The following CDH2 variants were observed in gnomAD, a reference collection of about 807,000 sequenced individuals.
CDH2 encodes the protein cadherin-2.
A neutral mutation model predicts 92.0 loss-of-function variants in CDH2; 17 were observed. The ratio of observed to expected loss-of-function variants is 0.18; its 90% CI spans 0.13 to 0.28. The LOEUF is 0.28. CDH2 is among the 10% of genes least tolerant of loss of function. The pLI, the probability that CDH2 is intolerant of heterozygous loss-of-function variation, is 1.00. For synonymous variants in CDH2, 419 were observed against 415.9 expected (o/e 1.01, Z -0.09); for missense variants, 862 against 1,133.1 (o/e 0.76, Z 3.44).
intron 15 of CDH2, 66 bp downstream of exon 15, chr18:27,963,291 C>T: frequency 6.8e-7 from 1 of 1,465,324 alleles, no homozygotes; most frequent in Non-Finnish European, 9.5e-7. Context: ...AATTTGTGGC[C>T]TACAGAGATC....
chr18:28,086,935 A>C (rs1049437961), intron 2 of CDH2, among the ~76,000 whole-genome samples: 1 of 152,148 alleles, frequency 6.6e-6, no homozygotes, highest in African/African-American at 2.4e-5. Context: ...TTATAACACA[A>C]TGCTCTCATT....
At position 27,951,959 on chromosome 18, in the gene CDH2, A is replaced by T. The variant is rs1909476666; in HGVS notation, c.*194T>A. 1 of 589,466 alleles carries T rather than the reference A, an allele frequency of 1.7e-6. No homozygotes were observed. Among genetic ancestry groups the T allele is most frequent in the African/African-American group, 1.9e-5 (1 of 53,674 alleles). 36.5% of individuals were successfully genotyped at this position (589,466 alleles called of 1,614,324 possible). A position where few individuals can be genotyped will look rare whatever the true frequency, so the allele number is the denominator to read the frequency against. The stretch of plus-strand genomic sequence containing the variant: ...GTACTGTAAAATTCAAGTGTAACTG[A>T]GCTCAGTGTTTTTCCAAACAGTATG... On this transcript the variant is annotated 3_prime_UTR_variant, in exon 16 of 16. Coordinates refer to ENST00000269141, the MANE Select transcript of CDH2 (RefSeq NM_001792.5).
intron 2 of CDH2, among the ~76,000 whole-genome samples, chr18:28,118,142 T>C (rs1367817097): frequency 6.6e-6 from 1 of 151,910 alleles, no homozygotes; most frequent in Non-Finnish European, 1.5e-5. Flanking sequence ...GTTCTATCCA[T>C]ACAATAAAAC....
intron 2 of CDH2, among the ~76,000 whole-genome samples, chr18:28,103,899 A>G (rs1270322168): frequency 2.0e-5 from 3 of 152,110 alleles, no homozygotes; most frequent in Non-Finnish European, 2.9e-5. Context: ...AAAAAAAATC[A>G]CCAGAAATTT....
At chr18:28,072,630 G>A (rs17494325) in intron 2 of CDH2, among the ~76,000 whole-genome samples, 195 of 152,266 alleles carry the variant, frequency 1.3e-3, no homozygotes, top group African/African-American at 4.5e-3. Context: ...CCAAATAATA[G>A]AGACTAAAAA....
intron 14 of CDH2, among the ~76,000 whole-genome samples, chr18:27,972,541 C>T (rs1027171502): frequency 6.6e-6 from 1 of 152,164 alleles, no homozygotes; most frequent in Non-Finnish European, 1.5e-5. Context: ...CAGTGCCTGA[C>T]ACAGAACAAA....
intron 2 of CDH2, among the ~76,000 whole-genome samples, chr18:28,021,225 T>C (rs2144057397): frequency 6.6e-6 from 1 of 152,116 alleles, no homozygotes; most frequent in South Asian, 2.1e-4. Context: ...CAGACACATA[T>C]AAACAGTTAA....
At chr18:27,985,995 C>G (rs372013544) in intron 11 of CDH2, among the ~76,000 whole-genome samples, 3 of 152,100 alleles carry the variant, frequency 2.0e-5, no homozygotes, top group Non-Finnish European at 2.9e-5. Context: ...AGCAAGGTGA[C>G]GAAGAATGCC....
At chr18:27,990,450 T>C in intron 9 of CDH2, 100 bp from the exon 10 acceptor site, 4 of 1,089,508 alleles carry the variant, frequency 3.7e-6, no homozygotes, top group Non-Finnish European at 3.9e-6. Context: ...AATTAATTTC[T>C]TCATTCACTA....
chr18:28,110,327 A>C (rs1379998600), intron 2 of CDH2, among the ~76,000 whole-genome samples: 1 of 152,212 alleles, frequency 6.6e-6, no homozygotes, highest in African/African-American at 2.4e-5. Context: ...TTTCTTGAGA[A>C]TGAACCTGAG....
At chr18:28,068,329 A>G (rs2144161230) in intron 2 of CDH2, among the ~76,000 whole-genome samples, 1 of 152,344 alleles carries the variant, frequency 6.6e-6, no homozygotes, top group African/African-American at 2.4e-5. Context: ...TAGCATGAAC[A>G]ATGGCTATCT....
intron 5 of CDH2, among the ~76,000 whole-genome samples, chr18:28,007,959 C>A (rs186086146): frequency 7.4e-4 from 113 of 152,240 alleles, no homozygotes; most frequent in African/African-American, 2.6e-3. Context: ...GTCTGGAACT[C>A]CTGACCTCAA....
rs1042454279 is a variant in CDH2 at position 28,087,550 on chromosome 18, G to T, written c.172+60123C>A. 2.6e-5 allele frequency among the ~76,000 whole-genome samples: 4 copies of T among 152,040 alleles called. No homozygotes were observed. The East Asian group carries it at 7.7e-4, about 29-fold the overall frequency. On this transcript the variant is annotated intron_variant, in intron 2 of 15. Transcript: ENST00000269141. ...AGATAAACTGGGTTTTTACTCCTGG[G>T]ACAGTCTTCAACCAAGCTTTTTATT...
intron 6 of CDH2, among the ~76,000 whole-genome samples, chr18:27,935,190 A>T (rs1304172239): frequency 6.6e-6 from 1 of 152,176 alleles, no homozygotes; most frequent in Non-Finnish European, 1.5e-5. Context: ...TACACCTGAG[A>T]CTGGGTGATT....
At chr18:28,033,845 CCTCA>C (rs1599050264) in intron 2 of CDH2, among the ~76,000 whole-genome samples, 2 of 152,006 alleles carry the variant, frequency 1.3e-5, no homozygotes, top group South Asian at 4.2e-4. Context: ...ACAGAAGTAA[CCTCA>C]CTATCTAATG....
intron 2 of CDH2, among the ~76,000 whole-genome samples, chr18:28,109,344 T>C (rs1447612178): frequency 1.3e-5 from 2 of 152,184 alleles, no homozygotes; most frequent in African/African-American, 4.8e-5. Context: ...TGGCAAAACA[T>C]GAAATGCCCT....
At chr18:27,961,048 CCATAGA>C (rs921212595) in intron 15 of CDH2, among the ~76,000 whole-genome samples, 1 of 150,904 alleles carries the variant, frequency 6.6e-6, no homozygotes, top group Non-Finnish European at 1.5e-5. Context: ...AAATCAATGA[CCATAGA>C]CATAGACACA....
At chr18:28,174,081 A>G (rs1044435951) in intron 1 of CDH2, among the ~76,000 whole-genome samples, 4 of 152,190 alleles carry the variant, frequency 2.6e-5, no homozygotes, top group Admixed American at 2.6e-4. Flanking sequence ...TAATTTCTCT[A>G]AGTAAAATAA....
At chr18:28,066,349 T>A (rs1205092007) in intron 2 of CDH2, among the ~76,000 whole-genome samples, 1 of 152,162 alleles carries the variant, frequency 6.6e-6, no homozygotes, top group Non-Finnish European at 1.5e-5. Context: ...AAAGTAAAAC[T>A]TGGGTGTCTA....
Sources: gnomAD v4.1 joint callset for allele counts (sites outside exome capture counted in the v4.1 genomes callset) on GRCh38, gnomAD v4.1.1 for gene constraint, MANE v1.5 for transcripts, NCBI Gene and HGNC (gene_info 2026-07-23, HGNC 2026-07-21) for gene names.